FAM24B: variants seen among roughly 807,000 people sequenced by gnomAD.
FAM24B encodes the protein family with sequence similarity 24 member B.
Under a neutral mutation model 2.3 loss-of-function variants are expected in FAM24B, and 3 were observed. The observed-to-expected ratio is 1.29, with a 90% CI of 0.59 to 3.32. The LOEUF is 3.32. FAM24B is among the 30% of genes most tolerant of loss of function. The pLI, the probability that FAM24B is intolerant of heterozygous loss-of-function variation, is 0.03. For synonymous variants in FAM24B, 36 were observed against 46.3 expected (o/e 0.78, Z 0.90); for missense variants, 98 against 117.2 (o/e 0.84, Z 0.76).
chr10:122,864,482 T>C (rs1328062937), intron 1 of FAM24B, among the ~76,000 whole-genome samples: 1 of 152,254 alleles, frequency 6.6e-6, no homozygotes, highest in Non-Finnish European at 1.5e-5. Flanking sequence ...ATTTAGGTAC[T>C]ACACTTTTAC....
chr10:122,872,687 C>G lies in FAM24B; in HGVS notation c.-178+6798G>C, dbSNP rs558972635. 5.9e-5 allele frequency among the ~76,000 whole-genome samples: 9 copies of G among 151,726 alleles called. No individual in the cohort carries two copies. In the South Asian group the frequency reaches 1.5e-3, roughly 25 times the overall value. On this transcript the variant is annotated intron_variant, in intron 1 of 3. Transcript: ENST00000368898. ...CATTCTCAGCAAACTATCGCAAGGA[C>G]AGAAAACCAAACACCGCATGTTCTC... is the stretch of plus-strand genomic sequence containing the variant.
intron 1 of FAM24B, among the ~76,000 whole-genome samples, chr10:122,864,919 G>A (rs1001553558): frequency 6.6e-6 from 1 of 152,068 alleles, no homozygotes; most frequent in Non-Finnish European, 1.5e-5. Flanking sequence ...TTTTATCACG[G>A]AATAATATTC....
intron 1 of FAM24B, among the ~76,000 whole-genome samples, chr10:122,859,624 A>C (rs575214842): frequency 3.9e-5 from 6 of 152,218 alleles, no homozygotes; most frequent in Non-Finnish European, 7.3e-5. Context: ...TCTTGTACCA[A>C]CTGTCATAGG....
Position 122,878,454 on chromosome 10 carries a change from A to G in FAM24B, c.-178+1031T>C, listed in dbSNP as rs1453979958. Among the ~76,000 whole-genome samples the G allele has an allele frequency of 7.2e-5, 11 of 151,886 alleles. No homozygotes were observed. In the East Asian group the frequency reaches 2.1e-3, roughly 29 times the overall value. On this transcript the variant is annotated intron_variant, in intron 1 of 3. Transcript: ENST00000368898. ...AGGCTGAGGCAGGAGAATCGCTTGAACCCAAGAGGCGGAAGTTGCAGGAGC... is the reference window on the plus strand; with the variant it reads ...AGGCTGAGGCAGGAGAATCGCTTGAGCCCAAGAGGCGGAAGTTGCAGGAGC...
chr10:122,872,130 T>C (rs1237385476), intron 1 of FAM24B, among the ~76,000 whole-genome samples: 2 of 152,184 alleles, frequency 1.3e-5, no homozygotes, highest in Non-Finnish European at 2.9e-5. Flanking sequence ...GCGAAGGATA[T>C]GAACAGACAC....
At chr10:122,870,958 A>C (rs1847887339) in intron 1 of FAM24B, among the ~76,000 whole-genome samples, 1 of 152,186 alleles carries the variant, frequency 6.6e-6, no homozygotes, top group African/African-American at 2.4e-5. Flanking sequence ...GAAGAAGGAA[A>C]TAAAGGGCAT....
chr10:122,868,690 A>AT (rs1330729853), intron 1 of FAM24B, among the ~76,000 whole-genome samples: 1 of 152,094 alleles, frequency 6.6e-6, no homozygotes, highest in Non-Finnish European at 1.5e-5. Flanking sequence ...ACTAAGCTTC[A>AT]TAAGTGAAGG....
intron 2 of FAM24B, among the ~76,000 whole-genome samples, chr10:122,852,214 T>C (rs781620321): frequency 1.1e-4 from 16 of 152,002 alleles, no homozygotes; most frequent in Admixed American, 3.3e-4. Context: ...AACCAGAAAA[T>C]TGAAGTCACA....
At chr10:122,863,806 C>T (rs756510568) in intron 1 of FAM24B, among the ~76,000 whole-genome samples, 1 of 152,216 alleles carries the variant, frequency 6.6e-6, no homozygotes, top group Non-Finnish European at 1.5e-5. Flanking sequence ...CCTCCACATA[C>T]TGGGCCAGTG....
intron 1 of FAM24B, among the ~76,000 whole-genome samples, chr10:122,875,717 C>T (rs753726393): frequency 6.0e-5 from 9 of 151,052 alleles, no homozygotes; most frequent in Non-Finnish European, 1.0e-4. Context: ...TAATTGGTCA[C>T]AGCTGGCACT....
At chr10:122,860,241 C>A (rs1160402255) in intron 1 of FAM24B, among the ~76,000 whole-genome samples, 1 of 152,152 alleles carries the variant, frequency 6.6e-6, no homozygotes, top group Admixed American at 6.5e-5. Flanking sequence ...GATCAATTTT[C>A]CATCCTTTTG....
intron 3 of FAM24B, 73 bp from the exon 4 acceptor site, chr10:122,849,512 G>T: frequency 7.2e-7 from 1 of 1,384,922 alleles, no homozygotes. Flanking sequence ...ACTGTTGGGG[G>T]GTATCTGGGG....
chr10:122,875,348 G>T (rs1847960575), intron 1 of FAM24B, among the ~76,000 whole-genome samples: 2 of 151,968 alleles, frequency 1.3e-5, no homozygotes, highest in Admixed American at 6.6e-5. Context: ...TTTTCCATTA[G>T]AGCCCTTATA....
rs769086025 is a variant in FAM24B, at chr10:122,850,556, C to A, written c.-35-6G>T. On this transcript the variant is annotated splice_polypyrimidine_tract_variant and splice_region_variant and intron_variant, in intron 2 of 3. Transcript: ENST00000368898. ...GTCAAAAGACTTCGATGTACCTAGG[C>A]AGATAAGTGCAAGCAAGCACTGAGC... 6.9e-7 allele frequency: 1 copy of A among 1,445,510 alleles called. No individual in the cohort carries two copies. Among genetic ancestry groups the A allele is most frequent in the South Asian group, 1.1e-5 (1 of 87,812 alleles). The allele number at this position is 1,445,510 out of a possible 1,614,324, so 89.5% of individuals were successfully genotyped here. A position where few individuals can be genotyped will look rare whatever the true frequency, so the allele number is the denominator to read the frequency against.
intron 2 of FAM24B, among the ~76,000 whole-genome samples, chr10:122,853,659 C>A (rs1315912098): frequency 2.6e-5 from 4 of 152,050 alleles, no homozygotes; most frequent in African/African-American, 9.7e-5. Flanking sequence ...AAGGGTAGGG[C>A]AAGAGGATTG....
chr10:122,852,125 GTCA>G (rs1481675180), intron 2 of FAM24B, among the ~76,000 whole-genome samples: 1 of 152,200 alleles, frequency 6.6e-6, no homozygotes, highest in East Asian at 1.9e-4. Context: ...GGGCTTGGGA[GTCA>G]TCATTCCCAT....
At chr10:122,877,060 T>C (rs1847986652) in intron 1 of FAM24B, among the ~76,000 whole-genome samples, 1 of 152,246 alleles carries the variant, frequency 6.6e-6, no homozygotes, top group Non-Finnish European at 1.5e-5. Flanking sequence ...ATTGTGATAT[T>C]GGTGGAAAGA....
At chr10:122,849,510 G>C (rs80215737) in intron 3 of FAM24B, 71 bp from the exon 4 acceptor site, 41 of 1,389,488 alleles carry the variant, frequency 3.0e-5, no homozygotes, top group Admixed American at 6.7e-5. Context: ...GAACTGTTGG[G>C]GGGTATCTGG....
At chr10:122,860,777 A>G (rs573178188) in intron 1 of FAM24B, among the ~76,000 whole-genome samples, 2 of 152,274 alleles carry the variant, frequency 1.3e-5, no homozygotes, top group South Asian at 2.1e-4. Context: ...AATAATTTTG[A>G]GCATCTTTTC....
Sources: allele counts gnomAD v4.1 joint callset (sites outside exome capture counted in the v4.1 genomes callset), GRCh38; gene constraint gnomAD v4.1.1; transcripts MANE v1.5; gene names NCBI Gene and HGNC (gene_info 2026-07-23, HGNC 2026-07-21).